KIF5A: variants seen among roughly 807,000 people sequenced by gnomAD.
The protein encoded by KIF5A is kinesin heavy chain isoform 5A.
In KIF5A, 35 loss-of-function variants were observed where a neutral mutation model predicts 141.3. The observed-to-expected ratio is 0.25, with a 90% CI of 0.19 to 0.33. KIF5A has a LOEUF of 0.33. Among genes scored for constraint, KIF5A ranks in the 10% least tolerant of loss-of-function variants. KIF5A has a pLI of 1.00. For synonymous variants in KIF5A, 448 were observed against 500.2 expected (o/e 0.90, Z 1.39); for missense variants, 861 against 1,314.3 (o/e 0.66, Z 5.33).
Position 57,555,513 on chromosome 12 carries a change from C to T in KIF5A, c.129+5113C>T, listed in dbSNP as rs1881703631. Reference sequence around the variant, plus strand: ...GGCTGATGCAGGAGAATTGCTTGAACCTGGGAGGCGGAGGTTGCAGTGAGC... The same window carrying T: ...GGCTGATGCAGGAGAATTGCTTGAATCTGGGAGGCGGAGGTTGCAGTGAGC... On this transcript the variant is annotated intron_variant, in intron 1 of 28. Transcript: ENST00000455537. Among the ~76,000 whole-genome samples the T allele has an allele frequency of 2.0e-5, 3 of 152,168 alleles. No individual in the cohort carries two copies. In the South Asian group the frequency reaches 6.2e-4, roughly 32 times the overall value.
chr12:57,570,631 C>T (rs750296168), intron 12 of KIF5A, among the ~76,000 whole-genome samples: 8 of 152,150 alleles, frequency 5.3e-5, no homozygotes, highest in Non-Finnish European at 7.4e-5. Flanking sequence ...GCGATCCGCC[C>T]GCCTCGGCCC....
intron 27 of KIF5A, 86 bp from the exon 28 acceptor site, chr12:57,583,015 C>T: frequency 3.6e-6 from 4 of 1,118,570 alleles, no homozygotes; most frequent in Non-Finnish European, 5.3e-6. Flanking sequence ...TGTGATCTCA[C>T]AGGGACACTC....
intron 1 of KIF5A, among the ~76,000 whole-genome samples, chr12:57,562,807 A>G (rs887883893): frequency 3.9e-5 from 6 of 152,098 alleles, no homozygotes; most frequent in East Asian, 1.9e-4. Flanking sequence ...TTGTTCTTCA[A>G]TTTTCATCAC....
At chr12:57,563,377 T>C in intron 1 of KIF5A, 62 bp from the exon 2 acceptor site, 1 of 1,179,630 alleles carries the variant, frequency 8.5e-7, no homozygotes, top group Non-Finnish European at 1.3e-6. Context: ...AAGGAGGTTG[T>C]GGTATTTCTT....
At chr12:57,553,858 C>T (rs1881652374) in intron 1 of KIF5A, among the ~76,000 whole-genome samples, 1 of 152,082 alleles carries the variant, frequency 6.6e-6, no homozygotes, top group Non-Finnish European at 1.5e-5. Flanking sequence ...ATAAGGAGCA[C>T]TTAGACTGCT....
In KIF5A at chr12:57,569,370, G is replaced by T. The variant is rs1285398673; in HGVS notation, c.934G>T (p.Ala312Ser). ...ICCSPSSYND[A>S]ETKSTLMFGQ... ...TTGCTCACCATCCAGTTATAATGAT[G>T]CAGAGACCAAGTCCACCCTGATGTT... Residue 312 changes from alanine (A) to serine (S), a missense_variant, in exon 10 of 29, where the codon GCA becomes TCA. Transcript: ENST00000455537. 1.2e-6 allele frequency: 2 copies of T among 1,614,064 alleles called. No individual in the cohort carries two copies. The highest frequency in any genetic ancestry group is 1.7e-6 in the Non-Finnish European group (2 of 1,179,994).
chr12:57,575,607 A>C (rs776192973), intron 16 of KIF5A, 33 bp from the exon 17 acceptor site: 2 of 1,571,792 alleles, frequency 1.3e-6, no homozygotes, highest in Non-Finnish European at 1.8e-6. Context: ...CCTTTGCTCC[A>C]TCTTCTTCCT....
intron 17 of KIF5A, 29 bp from the exon 18 acceptor site, chr12:57,576,058 T>A (rs753762412): frequency 6.2e-7 from 1 of 1,609,530 alleles, no homozygotes; most frequent in South Asian, 1.1e-5. Context: ...GTAGGTTTGA[T>A]GTCAGCTGTC....
chr12:57,578,369 G>T (rs1882494403), intron 23 of KIF5A, 27 bp downstream of exon 23: 1 of 1,512,010 alleles, frequency 6.6e-7, no homozygotes, highest in African/African-American at 1.4e-5. Flanking sequence ...GGAGTGAAGA[G>T]AATTTTTGAG....
Position 57,585,820 on chromosome 12 carries a change from A to T in KIF5A, c.*1639A>T, listed in dbSNP as rs1202328123. 4 of 152,204 alleles carry T rather than the reference A, an allele frequency of 2.6e-5. No individual in the cohort carries two copies. The highest frequency in any genetic ancestry group is 4.4e-5 in the Non-Finnish European group (3 of 68,036). The allele number at this position is 152,204 out of a possible 1,614,324, so 9.4% of individuals were successfully genotyped here. A position where few individuals can be genotyped will look rare whatever the true frequency, so the allele number is the denominator to read the frequency against. ...AAAATACCAGTGGAGTGTGGAATAA[A>T]TCCAAAGCAGTGATTTTTAAATGTT... On this transcript the variant is annotated 3_prime_UTR_variant, in exon 29 of 29. Transcript: ENST00000455537.
Position 57,583,656 on chromosome 12 carries a change from C to T in KIF5A, c.*36+441C>T, listed in dbSNP as rs564585414. ...GGAACTAAGACATCTCCAGTTAAGG[C>T]GATGTTTGCTTCACGCCTGCACCTG... On this transcript the variant is annotated intron_variant, in intron 28 of 28. Transcript: ENST00000455537. Among the ~76,000 whole-genome samples, 5 of 152,284 alleles carry T rather than the reference C, an allele frequency of 3.3e-5. No individual in the cohort carries two copies. The East Asian group carries it at 7.7e-4, about 23-fold the overall frequency.
At chr12:57,559,459 C>T (rs898462229) in intron 1 of KIF5A, among the ~76,000 whole-genome samples, 8 of 152,062 alleles carry the variant, frequency 5.3e-5, no homozygotes, top group African/African-American at 1.2e-4. Flanking sequence ...ACAGTGAGGT[C>T]GAGCATTAAT....
rs1269224635 is a variant in KIF5A, at chr12:57,576,816, C to G, written c.2254C>G (p.Leu752Val). ...GAAGCTTCAGGCTGACTACGAGAAG[C>G]TGAAGAGCGAAGAACACGAGAAGAG... The part of the protein sequence containing the change: ...LEKLQADYEK[L>V]KSEEHEKSTK... The change falls in exon 20 of 29, where the codon CTG (leucine) becomes GTG (valine). Residue 752 changes from leucine (L) to valine (V), a missense_variant. This residue lies in a region of KIF5A where 482 missense variants were observed against 661.3 expected (regional missense o/e 0.73). Coordinates refer to ENST00000455537, the MANE Select transcript of KIF5A (RefSeq NM_004984.4). 2.5e-6 allele frequency: 4 copies of G among 1,613,850 alleles called. No homozygotes were observed. The highest frequency in any genetic ancestry group is 3.4e-6 in the Non-Finnish European group (4 of 1,179,932).
At chr12:57,552,265 G>A (rs1881600208) in intron 1 of KIF5A, among the ~76,000 whole-genome samples, 1 of 152,144 alleles carries the variant, frequency 6.6e-6, no homozygotes, top group Non-Finnish European at 1.5e-5. Flanking sequence ...AGTGGGATGG[G>A]GCAGGGGGTG....
Position 57,576,317 on chromosome 12 carries a change from C to T in KIF5A, c.2137C>T (p.Gln713Ter). The T allele has an allele frequency of 6.2e-7, 1 of 1,614,050 alleles. No individual in the cohort carries two copies. The highest frequency in any genetic ancestry group is 8.5e-7 in the Non-Finnish European group (1 of 1,179,954). ...GAGTCACCGGGAGGCCCATCACCGGCAGCTGGCCCGGCTCCGGGACGAGAT... is the reference window on the plus strand; with the variant it reads ...GAGTCACCGGGAGGCCCATCACCGGTAGCTGGCCCGGCTCCGGGACGAGAT... ...MESHREAHHR[Q>*]LARLRDEINE... The change falls in exon 19 of 29, where the codon CAG (glutamine) becomes TAG (stop). Residue 713 changes from glutamine (Q) to a stop codon, truncating the protein, a stop_gained. Coordinates refer to ENST00000455537, the MANE Select transcript of KIF5A (RefSeq NM_004984.4). LOFTEE classifies it high-confidence loss of function.
At chr12:57,573,454 A>G (rs1882317686) in intron 15 of KIF5A, among the ~76,000 whole-genome samples, 1 of 150,388 alleles carries the variant, frequency 6.6e-6, no homozygotes, top group Admixed American at 6.6e-5. Flanking sequence ...TCACCTGAGT[A>G]TGGGAGGTTG....
At chr12:57,573,420 A>T (rs966879571) in intron 15 of KIF5A, among the ~76,000 whole-genome samples, 5 of 152,012 alleles carry the variant, frequency 3.3e-5, no homozygotes, top group Admixed American at 6.6e-5. Context: ...AGTACCAGCT[A>T]CTTGACAGGC....
chr12:57,575,593 G>C (rs772732517), intron 16 of KIF5A, 47 bp from the exon 17 acceptor site: 4 of 1,485,022 alleles, frequency 2.7e-6, no homozygotes, highest in Non-Finnish European at 3.8e-6. Flanking sequence ...GCCTGGGTTT[G>C]TGTCCTTTGC....
At chr12:57,553,959 G>A (rs1042837203) in intron 1 of KIF5A, among the ~76,000 whole-genome samples, 2 of 152,094 alleles carry the variant, frequency 1.3e-5, no homozygotes, top group South Asian at 2.1e-4. Context: ...CAGAGTCTTC[G>A]ATTACCTGGA....
Sources: gnomAD v4.1 joint callset for allele counts (sites outside exome capture counted in the v4.1 genomes callset) on GRCh38, gnomAD v4.1.1 for gene constraint, gnomAD v4.1.1 regional missense constraint, MANE v1.5 for transcripts, NCBI Gene and HGNC (gene_info 2026-07-23, HGNC 2026-07-21) for gene names.